Variants in BCAS3 observed in about 807,000 individuals in gnomAD.
BCAS3 encodes BCAS4/BCAS3 fusion.
Under a neutral mutation model 116.1 loss-of-function variants are expected in BCAS3, and 53 were observed. The ratio of observed to expected loss-of-function variants is 0.46; its 90% CI spans 0.37 to 0.57. BCAS3 has a LOEUF of 0.57. Among genes scored for constraint, BCAS3 ranks in the 20% least tolerant of loss-of-function variants. BCAS3 has a pLI of 0.00. For synonymous variants in BCAS3, 391 were observed against 408.2 expected (o/e 0.96, Z 0.51); for missense variants, 917 against 1,165.4 (o/e 0.79, Z 3.10).
intron 5 of BCAS3, among the ~76,000 whole-genome samples, chr17:60,732,805 C>T (rs2040591469): frequency 6.6e-6 from 1 of 152,146 alleles, no homozygotes; most frequent in Non-Finnish European, 1.5e-5. Flanking sequence ...CACCATTGCA[C>T]TCCAGCCTGG....
rs2058428685 is a variant in BCAS3 at position 61,361,023 on chromosome 17, G to A, written c.2426-7304G>A. 6.6e-6 allele frequency among the ~76,000 whole-genome samples: 1 copy of A among 152,064 alleles called. No homozygotes were observed. On this transcript the variant is annotated intron_variant, in intron 22 of 23. Coordinates refer to ENST00000407086, the MANE Select transcript of BCAS3 (RefSeq NM_017679.5). The surrounding 1 kb of genome is among the most constrained non-coding windows in gnomAD (Gnocchi z 6.5). ...ATGAAATTGGTAGCTTTTACCCTAG[G>A]ATACCTCAAATATCAGACACCATTT...
chr17:60,681,320 A>T (rs1193504388), intron 2 of BCAS3, among the ~76,000 whole-genome samples: 1 of 151,856 alleles, frequency 6.6e-6, no homozygotes, highest in East Asian at 2.0e-4. Flanking sequence ...ACCAATGTGG[A>T]GAAAACCCGT....
Position 60,790,789 on chromosome 17 carries a change from G to C in BCAS3, c.404-17215G>C, listed in dbSNP as rs57880704. 0.019 allele frequency among the ~76,000 whole-genome samples: 2,644 copies of C among 141,276 alleles called. 283 individuals carry two copies. In the East Asian group the frequency reaches 0.31, roughly 17 times the overall value. The allele number at this position is 141,276 out of a possible 152,430, so 92.7% of individuals were successfully genotyped here. On this transcript the variant is annotated intron_variant, in intron 6 of 23. Coordinates refer to ENST00000407086, the MANE Select transcript of BCAS3 (RefSeq NM_017679.5). ...GATAGAGTCTTGCTCTGTTGTCCAG[G>C]TTGGAGTGCAGTGGTGTGATCTCAG...
In BCAS3 at chr17:61,200,498, G is replaced by A. The variant is rs2144276664; in HGVS notation, c.2425+115934G>A. Among the ~76,000 whole-genome samples, 1 of 152,312 alleles carries A rather than the reference G, an allele frequency of 6.6e-6. No individual in the cohort carries two copies. The highest frequency in any genetic ancestry group is 3.4e-3 in the Middle Eastern group (1 of 294). On this transcript the variant is annotated intron_variant, in intron 22 of 23. Coordinates refer to ENST00000407086, the MANE Select transcript of BCAS3 (RefSeq NM_017679.5). This position sits in a 1 kb window ranked among gnomAD's most constrained non-coding sequence, Gnocchi z 5.1. ...CAGAAAGGGCCCTCGGCTTGCCGAA[G>A]GCCGTATGGTAAATCAATGACCGAG...
chr17:61,256,206 G>A lies in BCAS3; in HGVS notation c.2426-112121G>A, dbSNP rs964956916. Among the ~76,000 whole-genome samples the A allele has an allele frequency of 1.3e-5, 2 of 152,134 alleles. No individual in the cohort carries two copies. The highest frequency in any genetic ancestry group is 4.8e-5 in the African/African-American group (2 of 41,428). ...GACCCTCACTTAGATCAGACTACCT[G>A]GGGTTGTCAAGCCTTCCATCTTCAA... On this transcript the variant is annotated intron_variant, in intron 22 of 23. Transcript: ENST00000407086. This position sits in a 1 kb window ranked among gnomAD's most constrained non-coding sequence, Gnocchi z 5.6.
rs1296733069 is a variant in BCAS3 at position 61,020,738 on chromosome 17, A to G, written c.1637+4837A>G. ...GATCAAGTTTTAAAAAATATTTTCT[A>G]TGTAACAATTCACAAAAAAATGTTC... is the stretch of plus-strand genomic sequence containing the variant. On this transcript the variant is annotated intron_variant, in intron 16 of 23. Coordinates refer to ENST00000407086, the MANE Select transcript of BCAS3 (RefSeq NM_017679.5). This position sits in a 1 kb window ranked among gnomAD's most constrained non-coding sequence, Gnocchi z 4.5. Among the ~76,000 whole-genome samples, 2 of 152,170 alleles carry G rather than the reference A, an allele frequency of 1.3e-5. No homozygotes were observed. The highest frequency in any genetic ancestry group is 6.5e-5 in the Admixed American group (1 of 15,282).
chr17:61,066,869 G>A (rs547683487), intron 19 of BCAS3, among the ~76,000 whole-genome samples: 1 of 152,094 alleles, frequency 6.6e-6, no homozygotes, highest in South Asian at 2.1e-4. Context: ...CCTGTATTAA[G>A]TAGTGTTAAA....
At position 61,324,659 on chromosome 17, in the gene BCAS3, C is replaced by T. The variant is rs2055579950; in HGVS notation, c.2426-43668C>T. 1.3e-5 allele frequency among the ~76,000 whole-genome samples: 2 copies of T among 152,180 alleles called. No homozygotes were observed. Among genetic ancestry groups the T allele is most frequent in the Admixed American group, 1.3e-4 (2 of 15,284 alleles). On this transcript the variant is annotated intron_variant, in intron 22 of 23. Coordinates refer to ENST00000407086, the MANE Select transcript of BCAS3 (RefSeq NM_017679.5). This position sits in a 1 kb window ranked among gnomAD's most constrained non-coding sequence, Gnocchi z 4.6. ...CCCTGCCAGCCACTAGCTGTTTGACCTTGGCTGAGTCATTTCCTCTCCCTC... is the reference window on the plus strand; with the variant it reads ...CCCTGCCAGCCACTAGCTGTTTGACTTTGGCTGAGTCATTTCCTCTCCCTC...
rs1046375475 is a variant in BCAS3 at position 61,316,262 on chromosome 17, C to T, written c.2426-52065C>T. Among the ~76,000 whole-genome samples the T allele has an allele frequency of 3.3e-5, 5 of 152,198 alleles. No individual in the cohort carries two copies. Among genetic ancestry groups the T allele is most frequent in the South Asian group, 4.2e-4 (2 of 4,810 alleles). ...TGGAGGCTGCAGTGAGCCGGGATCA[C>T]GCCACTGCACTCCAGCCTGGGTGAT... On this transcript the variant is annotated intron_variant, in intron 22 of 23. Transcript: ENST00000407086. The surrounding 1 kb of genome is among the most constrained non-coding windows in gnomAD (Gnocchi z 5.8).
At chr17:61,000,398 T>C (rs1305897681) in intron 15 of BCAS3, among the ~76,000 whole-genome samples, 2 of 152,208 alleles carry the variant, frequency 1.3e-5, no homozygotes, top group Non-Finnish European at 2.9e-5. Flanking sequence ...GAATCTATCT[T>C]CCATGATTTC....
intron 22 of BCAS3, among the ~76,000 whole-genome samples, chr17:61,329,346 T>TTA (rs2056033982): frequency 3.2e-5 from 4 of 124,714 alleles, no homozygotes; most frequent in South Asian, 2.4e-4. Flanking sequence ...TATTATTATT[T>TTA]TTTTTTTTTT....
intron 7 of BCAS3, among the ~76,000 whole-genome samples, chr17:60,829,105 AT>A (rs75046797): frequency 0.22 from 33,252 of 151,994 alleles, 4,689 homozygotes; most frequent in African/African-American, 0.41. Context: ...TAGAACTGAC[AT>A]TGCTAGACAT....
chr17:60,811,561 C>T (rs1178877718), intron 7 of BCAS3: 1 of 342,920 alleles, frequency 2.9e-6, no homozygotes, highest in Non-Finnish European at 5.6e-6. Context: ...TGGTTGTCTC[C>T]AGATGTTAAA....
intron 22 of BCAS3, among the ~76,000 whole-genome samples, chr17:61,314,208 C>T (rs961308784): frequency 4.6e-5 from 7 of 152,126 alleles, no homozygotes; most frequent in African/African-American, 1.7e-4. Context: ...TTGTAATGTC[C>T]GCATTCTCTT....
At chr17:60,865,185 C>T (rs938622207) in intron 7 of BCAS3, among the ~76,000 whole-genome samples, 1 of 151,770 alleles carries the variant, frequency 6.6e-6, no homozygotes, top group African/African-American at 2.4e-5. Flanking sequence ...TTCCCACAAA[C>T]CTTCAATTTG....
intron 22 of BCAS3, among the ~76,000 whole-genome samples, chr17:61,127,918 G>A (rs1247789241): frequency 6.6e-6 from 1 of 151,768 alleles, no homozygotes; most frequent in Non-Finnish European, 1.5e-5. Flanking sequence ...AACTTAAGGA[G>A]TACATACTTG....
chr17:60,973,152 A>G (rs1055136136), intron 14 of BCAS3, among the ~76,000 whole-genome samples: 40 of 152,216 alleles, frequency 2.6e-4, no homozygotes, highest in African/African-American at 7.7e-4. Context: ...AATGATGTCT[A>G]TGTGACTTTT....
intron 7 of BCAS3, among the ~76,000 whole-genome samples, chr17:60,855,755 G>A (rs994298538): frequency 6.6e-6 from 1 of 152,052 alleles, no homozygotes; most frequent in Middle Eastern, 3.4e-3. Flanking sequence ...CACAATCACT[G>A]CCCACTGCAG....
In BCAS3 at chr17:60,689,836, CTACTT is replaced by C. The variant is rs2034579567; in HGVS notation, c.214+78_214+82del. On this transcript the variant is annotated intron_variant, in intron 4 of 23. Transcript: ENST00000407086. ...GTACCTGATTCCAAAAAGAGAGCCT[CTACTT>C]TAGTCAGATTACTTTCTCTTATAGT... 19 of 1,000,816 alleles carry C rather than the reference CTACTT, an allele frequency of 1.9e-5. No individual in the cohort carries two copies. In the South Asian group the frequency reaches 2.3e-4, roughly 12 times the overall value. The allele number at this position is 1,000,816 out of a possible 1,614,324, so 62.0% of individuals were successfully genotyped here.
Sources: allele counts gnomAD v4.1 joint callset (sites outside exome capture counted in the v4.1 genomes callset), GRCh38; gene constraint gnomAD v4.1.1; non-coding constraint Gnocchi (gnomAD v3.1); transcripts MANE v1.5; gene names NCBI Gene and HGNC (gene_info 2026-07-23, HGNC 2026-07-21).